Variants in GVQW3 observed in about 807,000 individuals in gnomAD.
GVQW3 encodes protein GVQW3.
Under a neutral mutation model 12.5 loss-of-function variants are expected in GVQW3, and 7 were observed. That is an observed-to-expected ratio of 0.56 (90% CI 0.32 to 1.05). The LOEUF (loss-of-function observed/expected upper bound fraction) is 1.05. GVQW3 is among the 50% of genes least tolerant of loss of function. The probability of loss-of-function intolerance (pLI) is 0.04; values close to 1 mark genes in which losing one functional copy is unlikely to be tolerated. For missense variants in GVQW3, 188 were observed against 190.8 expected (o/e 0.99, Z 0.09); for synonymous variants, 71 against 67.2 (o/e 1.06, Z -0.28).
intron 1 of GVQW3, among the ~76,000 whole-genome samples, chr11:76,384,661 T>C (rs1350253464): frequency 6.6e-6 from 1 of 152,162 alleles, no homozygotes; most frequent in African/African-American, 2.4e-5. Context: ...AAGCTAGACG[T>C]TGTCCCACAA....
chr11:76,408,794 T>C (rs1257427474), downstream of GVQW3, among the ~76,000 whole-genome samples: 1 of 152,102 alleles, frequency 6.6e-6, no homozygotes, highest in Non-Finnish European at 1.5e-5. Context: ...TCAGATGTCC[T>C]TACAGCCTCC....
At chr11:76,395,783 G>T (rs1319575380) in intron 1 of GVQW3, among the ~76,000 whole-genome samples, 2 of 152,118 alleles carry the variant, frequency 1.3e-5, no homozygotes, top group East Asian at 3.8e-4. Context: ...TAGTTTTAAT[G>T]ACCTTATCTA....
chr11:76,413,682 C>T (rs1590829880), exon 2 of GVQW3: 1 of 152,262 alleles, frequency 6.6e-6, no homozygotes, highest in South Asian at 2.1e-4. Flanking sequence ...CCTCCCCTCC[C>T]CTGGACCCAG....
rs1946762144 is a variant in GVQW3 at position 76,381,328 on chromosome 11, C to G, written c.-501C>G. 6.5e-6 allele frequency: 1 copy of G among 153,074 alleles called. No individual in the cohort carries two copies. Among genetic ancestry groups the G allele is most frequent in the Non-Finnish European group, 1.5e-5 (1 of 68,678 alleles). 9.5% of individuals were successfully genotyped at this position (153,074 alleles called of 1,614,324 possible). A position where few individuals can be genotyped will look rare whatever the true frequency, so the allele number is the denominator to read the frequency against. Reference sequence around the variant, plus strand: ...GCGGGGAGAGAGAATTGCGCATGCGCGCCTGTCTCCCGGGACGCTAGAGCA... The same window carrying G: ...GCGGGGAGAGAGAATTGCGCATGCGGGCCTGTCTCCCGGGACGCTAGAGCA... On this transcript the variant is annotated 5_prime_UTR_variant, in exon 1 of 2. Transcript: ENST00000529331.
rs1045215565 is a variant in GVQW3 at position 76,403,977 on chromosome 11, A to T, written c.*219A>T. On this transcript the variant is annotated 3_prime_UTR_variant, in exon 2 of 2. Coordinates refer to ENST00000529331, the MANE Select transcript of GVQW3 (RefSeq NM_001347885.2). ...CATTAGGGAGGGCTGCCTCTTCATT[A>T]CTCGGTCTACCAATTCAAATGCTAA... 1 of 683,798 alleles carries T rather than the reference A, an allele frequency of 1.5e-6. No homozygotes were observed. The highest frequency in any genetic ancestry group is 2.7e-6 in the Non-Finnish European group (1 of 372,858). The allele number at this position is 683,798 out of a possible 1,614,324, so 42.4% of individuals were successfully genotyped here.
chr11:76,409,065 T>A (rs1471763848), downstream of GVQW3, among the ~76,000 whole-genome samples: 1 of 152,162 alleles, frequency 6.6e-6, no homozygotes, highest in African/African-American at 2.4e-5. Context: ...ATTATTTAAT[T>A]TTACGAAAGA....
rs746023755 is a variant in GVQW3 at position 76,382,246 on chromosome 11, G to T, written c.418G>T (p.Asp140Tyr). 8.5e-6 allele frequency: 13 copies of T among 1,535,692 alleles called. No individual in the cohort carries two copies. The South Asian group carries it at 1.4e-4, about 17-fold the overall frequency. Reference protein sequence around the residue: ...PKPRKLDFRSDLSKETRKNSS... With the variant: ...PKPRKLDFRSYLSKETRKNSS... Reference sequence around the variant, plus strand: ...ACCACGAAAACTTGACTTTCGGTCCGATCTTTCAAAGGAAACTAGGAAAAA... The same window carrying T: ...ACCACGAAAACTTGACTTTCGGTCCTATCTTTCAAAGGAAACTAGGAAAAA... The change falls in exon 1 of 2, where the codon GAT becomes TAT. Residue 140 changes from aspartate to tyrosine, a missense_variant. By Grantham distance (160) the Asp-to-Tyr change is radical. Transcript: ENST00000529331.
At chr11:76,387,825 A>G (rs984815823) in intron 1 of GVQW3, among the ~76,000 whole-genome samples, 1 of 152,160 alleles carries the variant, frequency 6.6e-6, no homozygotes, top group Admixed American at 6.5e-5. Flanking sequence ...TGCAGGGTTG[A>G]GGCAGGAGGA....
downstream of GVQW3, chr11:76,411,529 C>G (rs962383699): frequency 2.6e-5 from 4 of 152,146 alleles, no homozygotes; most frequent in Admixed American, 2.6e-4. Flanking sequence ...GGGTCTCTGC[C>G]CTAGATGAGA....
chr11:76,414,173 C>T (rs1565251433), exon 2 of GVQW3: 1 of 152,146 alleles, frequency 6.6e-6, no homozygotes, highest in South Asian at 2.1e-4. Flanking sequence ...AAATGATGCT[C>T]CCATACTTTT....
intron 1 of GVQW3, among the ~76,000 whole-genome samples, chr11:76,399,378 A>G (rs190636265): frequency 2.3e-4 from 35 of 151,712 alleles, no homozygotes; most frequent in Admixed American, 2.0e-3. Context: ...CTGACCTCAA[A>G]TGATCCACCC....
intron 1 of GVQW3, among the ~76,000 whole-genome samples, chr11:76,388,178 A>G (rs1283306005): frequency 6.6e-6 from 1 of 152,254 alleles, no homozygotes; most frequent in Non-Finnish European, 1.5e-5. Context: ...GGTAGTCCCA[A>G]AAATGATTTG....
At chr11:76,397,052 C>G (rs758658549) in intron 1 of GVQW3, among the ~76,000 whole-genome samples, 17 of 131,302 alleles carry the variant, frequency 1.3e-4, no homozygotes, top group Non-Finnish European at 2.6e-4. Flanking sequence ...GTTGCCCATG[C>G]TAGAGTGCAA....
downstream of GVQW3, among the ~76,000 whole-genome samples, chr11:76,409,138 C>T (rs188900904): frequency 5.9e-5 from 9 of 152,180 alleles, no homozygotes; most frequent in Non-Finnish European, 5.9e-5. Context: ...TGCAGTATGC[C>T]CTCCTGTGCC....
At chr11:76,391,617 C>T (rs1487970862) in intron 1 of GVQW3, among the ~76,000 whole-genome samples, 1 of 152,234 alleles carries the variant, frequency 6.6e-6, no homozygotes, top group Non-Finnish European at 1.5e-5. Context: ...GAGTTCGGGT[C>T]TGTCATCAGA....
At chr11:76,393,343 CT>C (rs2134549423) in intron 1 of GVQW3, among the ~76,000 whole-genome samples, 1 of 152,252 alleles carries the variant, frequency 6.6e-6, no homozygotes, top group South Asian at 2.1e-4. Context: ...ATCATGTTTT[CT>C]TTGACCCTGA....
Position 76,407,831 on chromosome 11 carries a change from T to C in GVQW3, c.*4073T>C, listed in dbSNP as rs1174959531. On this transcript the variant is annotated 3_prime_UTR_variant, in exon 2 of 2. Coordinates refer to ENST00000529331, the MANE Select transcript of GVQW3 (RefSeq NM_001347885.2). ...GAAATAATGCAGCTATTTAAGATGATGTTTTTAAAGAACTGTCAATGATGT... is the reference window on the plus strand; with the variant it reads ...GAAATAATGCAGCTATTTAAGATGACGTTTTTAAAGAACTGTCAATGATGT... 6.6e-6 allele frequency: 1 copy of C among 152,128 alleles called. No individual in the cohort carries two copies. The highest frequency in any genetic ancestry group is 1.5e-5 in the Non-Finnish European group (1 of 68,016). 9.4% of individuals were successfully genotyped at this position (152,128 alleles called of 1,614,324 possible).
In GVQW3 at chr11:76,381,862, A is replaced by G. The variant is rs1590811740; in HGVS notation, c.34A>G (p.Ile12Val). 6.5e-7 allele frequency: 1 copy of G among 1,536,030 alleles called. No individual in the cohort carries two copies. Among genetic ancestry groups the G allele is most frequent in the Non-Finnish European group, 8.7e-7 (1 of 1,146,814 alleles). Residue 12 changes from isoleucine to valine, a missense_variant, in exon 1 of 2, where the codon ATC (isoleucine) becomes GTC (valine). Coordinates refer to ENST00000529331, the MANE Select transcript of GVQW3 (RefSeq NM_001347885.2). ...CCGCTATTTAGAACAAAGGATTAGTATCAAATTTTGCGTGAAATTGAACAA... is the reference window on the plus strand; with the variant it reads ...CCGCTATTTAGAACAAAGGATTAGTGTCAAATTTTGCGTGAAATTGAACAA... ...SDRYLEQRIS[I>V]KFCVKLNKSA...
At chr11:76,392,211 G>T (rs970005220) in intron 1 of GVQW3, 1 of 152,204 alleles carries the variant, frequency 6.6e-6, no homozygotes, top group Non-Finnish European at 1.5e-5. Context: ...TCAACTAAGG[G>T]TGATTGTGAA....
Sources: allele counts gnomAD v4.1 joint callset (sites outside exome capture counted in the v4.1 genomes callset), GRCh38; gene constraint gnomAD v4.1.1; transcripts MANE v1.5; gene names NCBI Gene and HGNC (gene_info 2026-07-23, HGNC 2026-07-21).